Variants in MTMR8 observed in about 807,000 individuals in gnomAD.
MTMR8 encodes the protein myotubularin related protein 8.
Under a neutral mutation model 39.3 loss-of-function variants are expected in MTMR8, and 65 were observed. The ratio of observed to expected loss-of-function variants is 1.65; its 90% CI spans 1.35 to 2.03. The LOEUF (loss-of-function observed/expected upper bound fraction) is 2.03. Ranked by LOEUF, MTMR8 falls within the 30% of genes most tolerant of loss-of-function variation. The pLI is 0.00. For synonymous variants in MTMR8, 245 were observed against 185.2 expected (o/e 1.32, Z -2.62); for missense variants, 777 against 538.9 (o/e 1.44, Z -4.37).
intron 12 of MTMR8, among the ~76,000 whole-genome samples, chrX:64,292,409 A>G (rs1921430477): frequency 9.0e-6 from 1 of 111,365 alleles, no homozygotes; most frequent in Non-Finnish European, 1.9e-5. Flanking sequence ...ACCATAAAGT[A>G]GGTGCATGTT....
intron 4 of MTMR8, among the ~76,000 whole-genome samples, chrX:64,350,829 G>A (rs1923469548): frequency 9.0e-6 from 1 of 111,196 alleles, no homozygotes; most frequent in African/African-American, 3.3e-5. Flanking sequence ...TTTCCAAAGA[G>A]ACAGTGACAA....
intron 12 of MTMR8, among the ~76,000 whole-genome samples, chrX:64,287,728 C>T (rs1410750071): frequency 9.2e-6 from 1 of 108,244 alleles, no homozygotes; most frequent in African/African-American, 3.3e-5. Context: ...GGATTCCCTA[C>T]TTAATAAATG....
intron 12 of MTMR8, among the ~76,000 whole-genome samples, chrX:64,297,932 T>A (rs1921682221): frequency 1.0e-5 from 1 of 97,456 alleles, no homozygotes; most frequent in African/African-American, 3.8e-5. Flanking sequence ...TTCTGTTCCA[T>A]TGATCTATAT....
At chrX:64,320,828 TA>T (rs1922620037) in intron 12 of MTMR8, among the ~76,000 whole-genome samples, 1 of 111,490 alleles carries the variant, frequency 9.0e-6, no homozygotes, top group Non-Finnish European at 1.9e-5. Flanking sequence ...AGGACATGGC[TA>T]AAATATAAGT....
intron 1 of MTMR8, among the ~76,000 whole-genome samples, chrX:64,380,867 A>G (rs1924396518): frequency 9.0e-6 from 1 of 111,455 alleles, no homozygotes; most frequent in African/African-American, 3.3e-5. Context: ...TCCTTGTGAT[A>G]GTTTGCTGAG....
chrX:64,294,061 C>G (rs936966447), intron 12 of MTMR8, among the ~76,000 whole-genome samples: 1 of 111,771 alleles, frequency 8.9e-6, no homozygotes, highest in Admixed American at 9.5e-5. Context: ...GCTATCATAG[C>G]TTATTTAAAT....
At position 64,300,775 on chromosome X, in the gene MTMR8, G is replaced by T. The variant is rs1230578059; in HGVS notation, c.1481+27997C>A. Among the ~76,000 whole-genome samples the T allele has an allele frequency of 7.4e-3, 778 of 104,953 alleles. 3 individuals carry two copies. The highest frequency in any genetic ancestry group is 9.4e-3 in the Middle Eastern group (2 of 212). 91.1% of individuals were successfully genotyped at this position (104,953 alleles called of 115,157 possible). A position where few individuals can be genotyped will look rare whatever the true frequency, so the allele number is the denominator to read the frequency against. On this transcript the variant is annotated intron_variant, in intron 12 of 13. Coordinates refer to ENST00000374852, the MANE Select transcript of MTMR8 (RefSeq NM_017677.4). The stretch of plus-strand genomic sequence containing the variant: ...GAGCTCTTGTAGGGCAGGCCTGGTG[G>T]TGACAAAATCTCTCAGCATTTGCTT...
chrX:64,281,852 G>C (rs370011261), intron 12 of MTMR8, among the ~76,000 whole-genome samples: 1 of 98,321 alleles, frequency 1.0e-5, no homozygotes, highest in African/African-American at 3.9e-5. Context: ...AATTTACAAG[G>C]AACTTAAACA....
At chrX:64,282,734 A>C (rs914768813) in intron 12 of MTMR8, among the ~76,000 whole-genome samples, 4 of 111,570 alleles carry the variant, frequency 3.6e-5, no homozygotes, top group Non-Finnish European at 7.5e-5. Flanking sequence ...CATCAAAATT[A>C]AACTTTTGTG....
intron 12 of MTMR8, among the ~76,000 whole-genome samples, chrX:64,299,397 T>C (rs1300122566): frequency 3.7e-5 from 4 of 107,152 alleles, no homozygotes; most frequent in African/African-American, 1.4e-4. Context: ...CTGATGGTAG[T>C]TTTTATTTCT....
intron 12 of MTMR8, among the ~76,000 whole-genome samples, chrX:64,304,860 TTATATATATATA>T (rs751399962): frequency 0.054 from 1,529 of 28,507 alleles, 79 homozygotes; most frequent in African/African-American, 0.089. Flanking sequence ...GATCAAACAT[TTATATATATATA>T]TATATATATA....
intron 12 of MTMR8, among the ~76,000 whole-genome samples, chrX:64,298,216 G>A (rs757462134): frequency 2.9e-5 from 3 of 103,741 alleles, no homozygotes; most frequent in South Asian, 4.6e-4. Flanking sequence ...ACCCATGAGC[G>A]TGGAATGTTC....
chrX:64,393,046 T>G (rs1431807285), intron 1 of MTMR8, among the ~76,000 whole-genome samples: 1 of 111,822 alleles, frequency 8.9e-6, no homozygotes. Flanking sequence ...AAGAATCAAG[T>G]CTTCATTTGG....
At chrX:64,369,564 T>C (rs1289345720) in intron 1 of MTMR8, among the ~76,000 whole-genome samples, 1 of 109,614 alleles carries the variant, frequency 9.1e-6, no homozygotes, top group Non-Finnish European at 1.9e-5. Context: ...AATTGAACAA[T>C]GAGAACACTT....
chrX:64,319,727 T>C (rs1485680919), intron 12 of MTMR8, among the ~76,000 whole-genome samples: 1 of 111,254 alleles, frequency 9.0e-6, no homozygotes, highest in Non-Finnish European at 1.9e-5. Flanking sequence ...TATGTGGCAT[T>C]ATTTCTGAGG....
rs371445432 is a variant in MTMR8, at chrX:64,278,634, C to T, written c.1482-7561G>A. 1.7e-3 allele frequency among the ~76,000 whole-genome samples: 181 copies of T among 108,106 alleles called. 2 individuals are homozygous for T. The highest frequency in any genetic ancestry group is 5.9e-3 in the African/African-American group (174 of 29,627). 93.9% of individuals were successfully genotyped at this position (108,106 alleles called of 115,157 possible). On this transcript the variant is annotated intron_variant, in intron 12 of 13. Coordinates refer to ENST00000374852, the MANE Select transcript of MTMR8 (RefSeq NM_017677.4). The stretch of plus-strand genomic sequence containing the variant: ...GACTACAGGTGGGCGCCACCATGCT[C>T]AACTAATTTTTTGTATTTTAGTAGA...
At chrX:64,348,819 G>A in intron 5 of MTMR8, 25 bp from the exon 6 acceptor site, 4 of 1,206,811 alleles carry the variant, frequency 3.3e-6, no homozygotes, top group Non-Finnish European at 4.5e-6. Context: ...TGTGTCAGTT[G>A]AGTGATTATA....
chrX:64,366,527 A>T (rs1261362145), intron 1 of MTMR8, among the ~76,000 whole-genome samples: 1 of 112,177 alleles, frequency 8.9e-6, no homozygotes, highest in African/African-American at 3.2e-5. Flanking sequence ...AACAAAATGA[A>T]GGCAGAAATA....
intron 6 of MTMR8, among the ~76,000 whole-genome samples, chrX:64,348,051 T>A (rs1443080675): frequency 8.9e-6 from 1 of 111,861 alleles, no homozygotes; most frequent in East Asian, 2.8e-4. Flanking sequence ...ATGAACTTGG[T>A]CTTTTTAATT....
Sources: allele counts gnomAD v4.1 joint callset (sites outside exome capture counted in the v4.1 genomes callset), GRCh38; gene constraint gnomAD v4.1.1; transcripts MANE v1.5; gene names NCBI Gene and HGNC (gene_info 2026-07-23, HGNC 2026-07-21).